Variants in PUM2 observed in about 807,000 individuals in gnomAD.
PUM2 encodes pumilio homolog 2.
A neutral mutation model predicts 124.5 loss-of-function variants in PUM2; 57 were observed. The observed-to-expected ratio is 0.46, with a 90% confidence interval of 0.37 to 0.57. The LOEUF (loss-of-function observed/expected upper bound fraction) is 0.57. PUM2 is among the 20% of genes least tolerant of loss of function. The pLI is 0.00. For missense variants in PUM2, 1,065 were observed against 1,290.6 expected, an observed-to-expected ratio of 0.83 and a Z score of 2.68; for synonymous variants, 460 against 446.1, an observed-to-expected ratio of 1.03 and a Z score of -0.39.
At chr2:20,351,058 G>C (rs910555028), upstream of PUM2, among the ~76,000 whole-genome samples, 3 of 152,170 alleles carry the variant, frequency 2.0e-5, no homozygotes, top group Admixed American at 2.0e-4. Flanking sequence ...TTGCGGGCTC[G>C]CGCTTCCCTC....
chr2:20,343,594 T>G (rs991009341), intron 1 of PUM2, among the ~76,000 whole-genome samples: 1 of 152,122 alleles, frequency 6.6e-6, no homozygotes, highest in Non-Finnish European at 1.5e-5. Flanking sequence ...ACCTTATTCC[T>G]AACACTAAGC....
chr2:20,291,019 A>G (rs1673931123), intron 9 of PUM2, among the ~76,000 whole-genome samples: 1 of 152,232 alleles, frequency 6.6e-6, no homozygotes, highest in Admixed American at 6.5e-5. Context: ...GAGGTTACAG[A>G]AAATCTTTGG....
chr2:20,296,729 T>A (rs1675692790), intron 8 of PUM2, among the ~76,000 whole-genome samples: 1 of 151,082 alleles, frequency 6.6e-6, no homozygotes, highest in African/African-American at 2.4e-5. Context: ...ATATAAACAA[T>A]GCCTCAGACT....
chr2:20,274,215 GA>G (rs944206589), intron 13 of PUM2, among the ~76,000 whole-genome samples: 3 of 151,666 alleles, frequency 2.0e-5, no homozygotes, highest in African/African-American at 7.3e-5. Context: ...GGTGCTTTAA[GA>G]AAAAAAACTA....
chr2:20,251,738 T>C, intron 20 of PUM2, 22 bp from the exon 21 acceptor site: 2 of 1,608,782 alleles, frequency 1.2e-6, no homozygotes, highest in Non-Finnish European at 1.7e-6. Flanking sequence ...ATAATCTGCT[T>C]AGAAAATCTA....
chr2:20,334,268 G>A (rs143797182), intron 1 of PUM2, among the ~76,000 whole-genome samples: 57 of 152,146 alleles, frequency 3.7e-4, no homozygotes, highest in African/African-American at 1.2e-3. Flanking sequence ...GCCATGGTCC[G>A]CTCCACTGCA....
chr2:20,255,100 C>A (rs1487362263), intron 18 of PUM2, 116 bp from the exon 19 acceptor site: 4 of 1,463,408 alleles, frequency 2.7e-6, no homozygotes, highest in Non-Finnish European at 2.8e-6. Context: ...GAGAATACAA[C>A]AGCCTTTTGT....
In PUM2 at chr2:20,294,526, C is replaced by T; in HGVS notation, c.1010-8G>A. On this transcript the variant is annotated splice_polypyrimidine_tract_variant and splice_region_variant and intron_variant, in intron 8 of 20. Coordinates refer to ENST00000361078, the MANE Select transcript of PUM2 (RefSeq NM_015317.5). ...GTGGAACCACTGCTGGACCTAAACC[C>T]CACACCCGACCCCCGAATAAAAAGT... The T allele has an allele frequency of 6.3e-7, 1 of 1,589,530 alleles. No homozygotes were observed. The highest frequency in any genetic ancestry group is 8.6e-7 in the Non-Finnish European group (1 of 1,167,704).
chr2:20,322,844 C>T (rs1682705113), intron 2 of PUM2, among the ~76,000 whole-genome samples: 2 of 152,018 alleles, frequency 1.3e-5, no homozygotes, highest in African/African-American at 4.8e-5. Context: ...ACAACAACAA[C>T]AACAAATGAA....
Position 20,297,519 on chromosome 2 carries a change from C to T in PUM2, c.1009+34G>A, listed in dbSNP as rs143152258. On this transcript the variant is annotated intron_variant, in intron 8 of 20. Transcript: ENST00000361078. ...ACCCAAAACTAAATACATTAAAAAG[C>T]AACCATAATAAAGATGAACAAATAG... 103 of 1,490,112 alleles carry T rather than the reference C, an allele frequency of 6.9e-5. No homozygotes were observed. In the African/African-American group the frequency reaches 1.2e-3, roughly 18 times the overall value. The allele number at this position is 1,490,112 out of a possible 1,614,324, so 92.3% of individuals were successfully genotyped here. A position where few individuals can be genotyped will look rare whatever the true frequency, so the allele number is the denominator to read the frequency against.
intron 9 of PUM2, among the ~76,000 whole-genome samples, chr2:20,293,886 G>C (rs916078804): frequency 4.7e-5 from 7 of 150,392 alleles, no homozygotes; most frequent in African/African-American, 7.3e-5. Flanking sequence ...TTTGAAAAAG[G>C]CTCAAAATTT....
chr2:20,253,798 T>A lies in PUM2; in HGVS notation c.3063+24A>T, dbSNP rs752957131. On this transcript the variant is annotated intron_variant, in intron 20 of 20. Transcript: ENST00000361078. ...GCCTAAACACAAAGACAAACAGTTA[T>A]CTGAGTGTTACATGCTGTATTACCT... 15 of 1,572,164 alleles carry A rather than the reference T, an allele frequency of 9.5e-6. 1 individual carries two copies. The South Asian group carries it at 1.7e-4, about 18-fold the overall frequency.
chr2:20,266,168 G>A (rs920572854), intron 13 of PUM2, among the ~76,000 whole-genome samples: 3 of 152,118 alleles, frequency 2.0e-5, no homozygotes, highest in Admixed American at 6.6e-5. Context: ...TTGGCCAGGC[G>A]CGGTGGCTCA....
chr2:20,340,072 T>C (rs548967740), intron 1 of PUM2, among the ~76,000 whole-genome samples: 30 of 152,328 alleles, frequency 2.0e-4, no homozygotes, highest in African/African-American at 7.2e-4. Flanking sequence ...ACATGATTTA[T>C]ATATTTCTAG....
At chr2:20,320,822 AAAT>A (rs1443688565) in intron 2 of PUM2, among the ~76,000 whole-genome samples, 2 of 152,174 alleles carry the variant, frequency 1.3e-5, no homozygotes, top group East Asian at 1.9e-4. Flanking sequence ...TGATATATTT[AAAT>A]AATAGAACAT....
At chr2:20,275,256 C>G (rs1669977810) in intron 13 of PUM2, among the ~76,000 whole-genome samples, 1 of 151,936 alleles carries the variant, frequency 6.6e-6, no homozygotes, top group South Asian at 2.1e-4. Context: ...TGATGTCTTA[C>G]ACTGCAATGA....
chr2:20,288,096 T>C (rs992196828), intron 10 of PUM2, among the ~76,000 whole-genome samples: 16 of 152,320 alleles, frequency 1.1e-4, no homozygotes, highest in African/African-American at 3.6e-4. Context: ...TTTTCCTATC[T>C]GAAACGAAAA....
In PUM2 at chr2:20,311,680, T is replaced by C. The variant is rs576315587; in HGVS notation, c.349-17A>G. The C allele has an allele frequency of 1.2e-6, 2 of 1,604,950 alleles. No homozygotes were observed. The highest frequency in any genetic ancestry group is 1.1e-5 in the South Asian group (1 of 88,962). ...TCTAGTGCCCTGAGGAAAAAGAATC[T>C]GTTTGATTCTGAATATTTAATAGAA... On this transcript the variant is annotated splice_polypyrimidine_tract_variant and intron_variant, in intron 4 of 20. Coordinates refer to ENST00000361078, the MANE Select transcript of PUM2 (RefSeq NM_015317.5).
At position 20,249,401 on chromosome 2, in the gene PUM2, C is replaced by T. The variant is rs1053911444; in HGVS notation, c.*2184G>A. On this transcript the variant is annotated 3_prime_UTR_variant, in exon 21 of 21. Transcript: ENST00000361078. Reference sequence around the variant, plus strand: ...TTGTGTGGGTTTTAAAAAAATGAAACAAACACAAGGCGTTGCTGCAGTGAC... The same window carrying T: ...TTGTGTGGGTTTTAAAAAAATGAAATAAACACAAGGCGTTGCTGCAGTGAC... The T allele has an allele frequency of 1.3e-5, 2 of 152,556 alleles. No individual in the cohort carries two copies. Among genetic ancestry groups the T allele is most frequent in the African/African-American group, 4.8e-5 (2 of 41,434 alleles). The allele number at this position is 152,556 out of a possible 1,614,324, so 9.5% of individuals were successfully genotyped here.
Sources: allele counts gnomAD v4.1 joint callset (sites outside exome capture counted in the v4.1 genomes callset), GRCh38; gene constraint gnomAD v4.1.1; transcripts MANE v1.5; gene names NCBI Gene and HGNC (gene_info 2026-07-23, HGNC 2026-07-21).